Variants in AACS observed in about 807,000 individuals in gnomAD.
The protein encoded by AACS is acetoacetate-CoA ligase.
AACS carries 69 observed loss-of-function variants against 83.1 expected under a neutral mutation model. That is an observed-to-expected ratio of 0.83 (90% CI 0.68 to 1.01). The LOEUF (loss-of-function observed/expected upper bound fraction) is 1.01. Ranked by LOEUF, AACS falls within the 50% of genes least tolerant of loss-of-function variation. The probability of loss-of-function intolerance (pLI) is 0.00; values close to 1 mark genes in which losing one functional copy is unlikely to be tolerated. For synonymous variants in AACS, 333 were observed against 343.4 expected, an observed-to-expected ratio of 0.97 and a Z score of 0.33; for missense variants, 866 against 882.2, an observed-to-expected ratio of 0.98 and a Z score of 0.23.
rs1266017852 is a variant in AACS at position 125,130,607 on chromosome 12, G to A, written c.1549+1147G>A. 2.0e-5 allele frequency among the ~76,000 whole-genome samples: 3 copies of A among 152,230 alleles called. No individual in the cohort carries two copies. Among genetic ancestry groups the A allele is most frequent in the Non-Finnish European group, 4.4e-5 (3 of 68,046 alleles). ...CACTTTATTTGTCACATGTGCAAGG[G>A]TTCATGTGATAGATGTCTCTCAGGA... On this transcript the variant is annotated intron_variant, in intron 14 of 17. Coordinates refer to ENST00000316519, the MANE Select transcript of AACS (RefSeq NM_023928.5). The surrounding 1 kb of genome is among the most constrained non-coding windows in gnomAD (Gnocchi z 4.9).
At chr12:125,114,651 G>T in intron 9 of AACS, 94 bp downstream of exon 9, 2 of 1,093,134 alleles carry the variant, frequency 1.8e-6, no homozygotes, top group Middle Eastern at 2.8e-4. Flanking sequence ...TTCCCCAGGC[G>T]CCGGCCCGTG....
At chr12:125,086,971 G>C (rs933337777) in intron 4 of AACS, among the ~76,000 whole-genome samples, 3 of 152,022 alleles carry the variant, frequency 2.0e-5, no homozygotes, top group Non-Finnish European at 2.9e-5. Context: ...GCTGCTGAAG[G>C]CAGCAAGCAG....
At chr12:125,096,658 A>G (rs1486079189) in intron 5 of AACS, among the ~76,000 whole-genome samples, 3 of 152,202 alleles carry the variant, frequency 2.0e-5, no homozygotes, top group Non-Finnish European at 4.4e-5. Context: ...TGTTACCTTG[A>G]TATTTGCATA....
At chr12:125,081,817 C>T (rs1405642294) in intron 3 of AACS, among the ~76,000 whole-genome samples, 2 of 150,830 alleles carry the variant, frequency 1.3e-5, no homozygotes, top group African/African-American at 4.9e-5. Context: ...TACCCCAGGG[C>T]AGCAAGGAGA....
chr12:125,068,953 C>T (rs1428754360), intron 1 of AACS, among the ~76,000 whole-genome samples: 1 of 151,936 alleles, frequency 6.6e-6, no homozygotes, highest in Non-Finnish European at 1.5e-5. Context: ...AGTTCTCCTG[C>T]CTCAGCCTCC....
At chr12:125,096,845 C>T (rs1322556171) in intron 5 of AACS, among the ~76,000 whole-genome samples, 8 of 151,920 alleles carry the variant, frequency 5.3e-5, no homozygotes, top group Admixed American at 2.6e-4. Flanking sequence ...GCTTGCCTGG[C>T]TGGGGGTGAG....
At chr12:125,100,099 T>G (rs1244069714) in intron 5 of AACS, among the ~76,000 whole-genome samples, 1 of 152,236 alleles carries the variant, frequency 6.6e-6, no homozygotes, top group Non-Finnish European at 1.5e-5. Context: ...CACTGCAGCC[T>G]CGAGCTCCTG....
intron 14 of AACS, among the ~76,000 whole-genome samples, chr12:125,133,569 G>A (rs1024333799): frequency 7.9e-5 from 12 of 152,202 alleles, no homozygotes; most frequent in African/African-American, 2.4e-4. Context: ...TCACGAGCAC[G>A]TGTATTCCAT....
At chr12:125,084,309 C>A (rs1204020243) in intron 3 of AACS, among the ~76,000 whole-genome samples, 12 of 147,906 alleles carry the variant, frequency 8.1e-5, no homozygotes, top group African/African-American at 1.2e-4. Flanking sequence ...CAGAGCAAGA[C>A]TCCATCTCAA....
intron 8 of AACS, among the ~76,000 whole-genome samples, chr12:125,112,530 A>G (rs2136107785): frequency 6.6e-6 from 1 of 152,166 alleles, no homozygotes; most frequent in East Asian, 1.9e-4. Flanking sequence ...ACTAAAAAAA[A>G]TTAGCTGGGC....
chr12:125,113,492 T>C lies in AACS; in HGVS notation c.916-985T>C, dbSNP rs749483702. ...GGTGCAGGGGCCACTGGCTCTGCTC[T>C]CTGGGTTGTGCCTGGCGATGGGAAG... is the stretch of plus-strand genomic sequence containing the variant. On this transcript the variant is annotated intron_variant, in intron 8 of 17. Transcript: ENST00000316519. The surrounding 1 kb of genome is among the most constrained non-coding windows in gnomAD (Gnocchi z 4.8). Among the ~76,000 whole-genome samples the C allele has an allele frequency of 3.9e-5, 6 of 152,164 alleles. No individual in the cohort carries two copies. Among genetic ancestry groups the C allele is most frequent in the Non-Finnish European group, 7.4e-5 (5 of 68,022 alleles).
intron 7 of AACS, among the ~76,000 whole-genome samples, chr12:125,106,372 A>G (rs1956834682): frequency 6.6e-6 from 1 of 152,218 alleles, no homozygotes; most frequent in African/African-American, 2.4e-5. Context: ...ACCTACAACA[A>G]TGCTGCCTGT....
chr12:125,142,040 T>C (rs1430463439), intron 17 of AACS, 52 bp from the exon 18 acceptor site: 1 of 1,608,130 alleles, frequency 6.2e-7, no homozygotes, highest in East Asian at 2.2e-5. Context: ...GGGCTGCGGA[T>C]TTTCCCCCCT....
intron 8 of AACS, among the ~76,000 whole-genome samples, chr12:125,107,706 A>ACC (rs2136101509): frequency 6.6e-6 from 1 of 152,316 alleles, no homozygotes; most frequent in East Asian, 1.9e-4. Flanking sequence ...CACACCTATA[A>ACC]CCCCAGCACT....
At chr12:125,070,470 GC>G (rs1033628125) in intron 1 of AACS, among the ~76,000 whole-genome samples, 1 of 152,156 alleles carries the variant, frequency 6.6e-6, no homozygotes, top group Admixed American at 6.5e-5. Context: ...CTGCACTCCA[GC>G]CTGGGCAGAA....
At chr12:125,082,811 ACT>A (rs1956227189) in intron 3 of AACS, among the ~76,000 whole-genome samples, 1 of 152,010 alleles carries the variant, frequency 6.6e-6, no homozygotes, top group Non-Finnish European at 1.5e-5. Context: ...ACAGAGCGAG[ACT>A]CTGTCTCAAA....
chr12:125,071,823 G>T (rs1955871974), intron 1 of AACS, among the ~76,000 whole-genome samples: 1 of 152,176 alleles, frequency 6.6e-6, no homozygotes, highest in Admixed American at 6.5e-5. Flanking sequence ...GCCTTCCTTA[G>T]TGATGCTGTT....
chr12:125,119,232 C>G (rs1957111764), intron 10 of AACS, among the ~76,000 whole-genome samples: 1 of 152,190 alleles, frequency 6.6e-6, no homozygotes. Flanking sequence ...AATGGACTCT[C>G]TTAGCAAAGT....
At chr12:125,118,869 G>A (rs1180101840) in intron 10 of AACS, 104 bp downstream of exon 10, 26 of 1,478,006 alleles carry the variant, frequency 1.8e-5, no homozygotes, top group East Asian at 4.9e-5. Flanking sequence ...TGGTCGGGGC[G>A]TCTCCAGCAT....
Sources: allele counts gnomAD v4.1 joint callset (sites outside exome capture counted in the v4.1 genomes callset), GRCh38; gene constraint gnomAD v4.1.1; non-coding constraint Gnocchi (gnomAD v3.1); transcripts MANE v1.5; gene names NCBI Gene and HGNC (gene_info 2026-07-23, HGNC 2026-07-21).